ZNF708: variants seen among roughly 807,000 people sequenced by gnomAD.
The protein encoded by ZNF708 is ZNF15, ZNF15L1.
In ZNF708, 44 loss-of-function variants were observed where a neutral mutation model predicts 47.0. The ratio of observed to expected loss-of-function variants is 0.94; its 90% CI spans 0.74 to 1.20. ZNF708 has a LOEUF of 1.20. ZNF708 is among the 50% of genes most tolerant of loss of function. ZNF708 has a pLI of 0.00. For synonymous variants in ZNF708, 184 were observed against 218.5 expected, an observed-to-expected ratio of 0.84 and a Z score of 1.39; for missense variants, 557 against 656.0, an observed-to-expected ratio of 0.85 and a Z score of 1.65.
chr19:21,312,622 T>A (rs1972921189), intron 1 of ZNF708, among the ~76,000 whole-genome samples: 1 of 152,208 alleles, frequency 6.6e-6, no homozygotes. Context: ...CAAGCTTTAG[T>A]GAGCTTAAAA....
chr19:21,313,757 CAAAAAA>C (rs71176848), intron 1 of ZNF708, among the ~76,000 whole-genome samples: 1 of 109,822 alleles, frequency 9.1e-6, no homozygotes, highest in African/African-American at 3.5e-5. Context: ...GACTATGTCT[CAAAAAA>C]AAAAAAAAAA....
chr19:21,311,085 C>A (rs1568351285), intron 1 of ZNF708, among the ~76,000 whole-genome samples: 1 of 152,130 alleles, frequency 6.6e-6, no homozygotes, highest in Non-Finnish European at 1.5e-5. Context: ...AAATTTCTAA[C>A]AAGCTCACCA....
At chr19:21,296,486 G>C (rs1972529350) in intron 3 of ZNF708, among the ~76,000 whole-genome samples, 1 of 151,922 alleles carries the variant, frequency 6.6e-6, no homozygotes, top group Non-Finnish European at 1.5e-5. Context: ...TGGGCAACAA[G>C]AGCGAAACTC....
At chr19:21,300,211 CAAA>C (rs370885126) in intron 3 of ZNF708, among the ~76,000 whole-genome samples, 1 of 103,736 alleles carries the variant, frequency 9.6e-6, no homozygotes. Flanking sequence ...GACTCCGTCT[CAAA>C]AAAAAAAAAA....
At position 21,329,113 on chromosome 19, in the gene ZNF708, G is replaced by A. The variant is rs112172046; in HGVS notation, c.3+97C>T. ...AGGAGAACTCGGAGCGCAGATTGTG[G>A]AGATGACTGCGGGGAGTCCTGAGTC... On this transcript the variant is annotated intron_variant, in intron 1 of 3. Transcript: ENST00000356929. 6,606 of 1,542,526 alleles carry A rather than the reference G, an allele frequency of 4.3e-3. 161 individuals are homozygous for A. In the African/African-American group the frequency reaches 0.05, roughly 12 times the overall value.
chr19:21,312,678 G>A (rs548884098), intron 1 of ZNF708, among the ~76,000 whole-genome samples: 2 of 152,288 alleles, frequency 1.3e-5, no homozygotes, highest in South Asian at 4.1e-4. Flanking sequence ...GGATTCTGCA[G>A]GTTTGGAAAG....
rs1972454397 is a variant in ZNF708 at position 21,293,781 on chromosome 19, T to C, written c.1185A>G (p.Glu395=). ...IHTGEKPYKC[E]ECGKAFTKSS... is the part of the protein sequence containing the mutation. ...ACTTGGTAAAGGCTTTACCACATTCTTCACATTTGTAGGGTTTCTCTCCAG... is the reference window on the plus strand; with the variant it reads ...ACTTGGTAAAGGCTTTACCACATTCCTCACATTTGTAGGGTTTCTCTCCAG... The change falls in exon 4 of 4, where the codon GAA becomes GAG. Residue 395 remains glutamate, a synonymous_variant. Coordinates refer to ENST00000356929, the MANE Select transcript of ZNF708 (RefSeq NM_021269.3). 10 of 1,613,560 alleles carry C rather than the reference T, an allele frequency of 6.2e-6. No individual in the cohort carries two copies. Among genetic ancestry groups the C allele is most frequent in the Non-Finnish European group, 7.6e-6 (9 of 1,179,888 alleles).
At chr19:21,297,372 A>G (rs1020652742) in intron 3 of ZNF708, among the ~76,000 whole-genome samples, 4 of 145,718 alleles carry the variant, frequency 2.7e-5, no homozygotes, top group African/African-American at 7.5e-5. Flanking sequence ...CCCGGATTCA[A>G]GCAACTGTGG....
chr19:21,297,270 A>ATATATAT (rs1568345563), intron 3 of ZNF708, among the ~76,000 whole-genome samples: 2 of 46,678 alleles, frequency 4.3e-5, no homozygotes, highest in African/African-American at 1.9e-4. Flanking sequence ...ATATATATAT[A>ATATATAT]TTTTTTTTTT....
chr19:21,309,241 C>T lies in ZNF708; in HGVS notation c.226+5G>A. ...GTGTCATCTGTTGTGTTCACTCTCA[C>T]CTACCTGGGGGTTTGGCTGCCATCT... is the stretch of plus-strand genomic sequence containing the variant. On this transcript the variant is annotated splice_donor_5th_base_variant and intron_variant, in intron 3 of 3. Transcript: ENST00000356929. The T allele has an allele frequency of 6.3e-7, 1 of 1,596,872 alleles. No homozygotes were observed. The highest frequency in any genetic ancestry group is 2.3e-5 in the East Asian group (1 of 44,018).
At chr19:21,294,891 T>A in intron 3 of ZNF708, 152 bp from the exon 4 acceptor site, 1 of 795,048 alleles carries the variant, frequency 1.3e-6, no homozygotes, top group Non-Finnish European at 1.8e-6. Context: ...ACAAAAGCAT[T>A]CTGACCAAAA....
chr19:21,293,453 T>C lies in ZNF708; in HGVS notation c.1513A>G (p.Lys505Glu), dbSNP rs1321618912. ...KIIHTGEKPY[K>E]CKECGKAFNQ... ...AAAGCTTTGCCACATTCTTTACATT[T>C]GTAGGGTTTCTCTCCAGTATGAATT... is the stretch of plus-strand genomic sequence containing the variant. The change falls in exon 4 of 4, where the codon AAA becomes GAA. Residue 505 changes from lysine to glutamate, a missense_variant. Transcript: ENST00000356929. The C allele has an allele frequency of 6.2e-7, 1 of 1,613,700 alleles. No homozygotes were observed. Among genetic ancestry groups the C allele is most frequent in the East Asian group, 2.2e-5 (1 of 44,798 alleles).
chr19:21,306,560 T>C (rs532245144), intron 3 of ZNF708, among the ~76,000 whole-genome samples: 4 of 152,304 alleles, frequency 2.6e-5, no homozygotes, highest in African/African-American at 7.2e-5. Flanking sequence ...TGTAAATTTA[T>C]GAAAAACACC....
chr19:21,298,224 C>A (rs944289429), intron 3 of ZNF708, among the ~76,000 whole-genome samples: 6 of 152,220 alleles, frequency 3.9e-5, no homozygotes, highest in Admixed American at 3.9e-4. Context: ...AGGATACACA[C>A]CCTTCCCAAT....
chr19:21,320,662 C>T (rs1973108919), intron 1 of ZNF708, among the ~76,000 whole-genome samples: 1 of 151,734 alleles, frequency 6.6e-6, no homozygotes, highest in South Asian at 2.1e-4. Flanking sequence ...CACTGCACTC[C>T]AGCCTGAGTG....
chr19:21,322,704 G>A (rs973606385), intron 1 of ZNF708, among the ~76,000 whole-genome samples: 3 of 152,290 alleles, frequency 2.0e-5, no homozygotes, highest in African/African-American at 2.4e-5. Flanking sequence ...AGAGCAGAGC[G>A]TCCCATTCCC....
At chr19:21,300,280 C>T (rs1454407418) in intron 3 of ZNF708, among the ~76,000 whole-genome samples, 5 of 150,140 alleles carry the variant, frequency 3.3e-5, no homozygotes, top group Admixed American at 1.3e-4. Flanking sequence ...GAGGCTGAGG[C>T]GGGCAGATCA....
intron 3 of ZNF708, among the ~76,000 whole-genome samples, chr19:21,297,254 ATATATATATATATATATT>A (rs1267409373): frequency 7.5e-5 from 1 of 13,264 alleles, no homozygotes; most frequent in Non-Finnish European, 1.8e-4. Flanking sequence ...GTATATATAT[ATATATATATATATATATT>A]TTTTTTTTTT....
chr19:21,321,722 A>AG (rs1973146456), intron 1 of ZNF708, among the ~76,000 whole-genome samples: 2 of 150,152 alleles, frequency 1.3e-5, no homozygotes, highest in Non-Finnish European at 3.0e-5. Flanking sequence ...GAAGGAAGGA[A>AG]GAAAGAAAGG....
Sources: gnomAD v4.1 joint callset for allele counts (sites outside exome capture counted in the v4.1 genomes callset) on GRCh38, gnomAD v4.1.1 for gene constraint, MANE v1.5 for transcripts, NCBI Gene and HGNC (gene_info 2026-07-23, HGNC 2026-07-21) for gene names.